SPTBN1: variants seen among roughly 807,000 people sequenced by gnomAD.
The protein encoded by SPTBN1 is spectrin beta chain, non-erythrocytic 1.
Under a neutral mutation model 266.4 loss-of-function variants are expected in SPTBN1, and 32 were observed. The ratio of observed to expected loss-of-function variants is 0.12; its 90% CI spans 0.09 to 0.16. The LOEUF (loss-of-function observed/expected upper bound fraction) is 0.16, where lower values mean the gene tolerates loss of function less well. Ranked by LOEUF, SPTBN1 falls within the 10% of genes least tolerant of loss-of-function variation. The pLI is 1.00. For synonymous variants in SPTBN1, 1,336 were observed against 1,162.2 expected (o/e 1.15, Z -3.04); for missense variants, 2,296 against 3,067.1 (o/e 0.75, Z 5.94).
At chr2:54,580,959 A>G (rs1674855073) in intron 2 of SPTBN1, among the ~76,000 whole-genome samples, 1 of 151,988 alleles carries the variant, frequency 6.6e-6, no homozygotes, top group African/African-American at 2.4e-5. Context: ...TTAGCCATGC[A>G]TAGTGGCACA....
Position 54,533,193 on chromosome 2 carries a change from C to T in SPTBN1, c.148+6627C>T, listed in dbSNP as rs545423394. On this transcript the variant is annotated intron_variant, in intron 2 of 35. Coordinates refer to ENST00000356805, the MANE Select transcript of SPTBN1 (RefSeq NM_003128.3). This position sits in a 1 kb window ranked among gnomAD's most constrained non-coding sequence, Gnocchi z 4.2. ...GATTCACATACCAGGCGGGATGGAG[C>T]GAGATGGCGCAAGATTTCATCACAG... Among the ~76,000 whole-genome samples, 14 of 152,134 alleles carry T rather than the reference C, an allele frequency of 9.2e-5. No individual in the cohort carries two copies. Among genetic ancestry groups the T allele is most frequent in the African/African-American group, 3.1e-4 (13 of 41,480 alleles).
chr2:54,647,410 C>G, intron 24 of SPTBN1, 149 bp downstream of exon 24: 1 of 1,068,600 alleles, frequency 9.4e-7, no homozygotes, highest in South Asian at 1.6e-5. Context: ...ACAGACCCAT[C>G]ATTTAAAACA....
At chr2:54,573,450 A>G (rs1674228740) in intron 2 of SPTBN1, among the ~76,000 whole-genome samples, 1 of 152,180 alleles carries the variant, frequency 6.6e-6, no homozygotes, top group South Asian at 2.1e-4. Flanking sequence ...GAGCTCAGGC[A>G]GTAATGCTTC....
rs1214958301 is a variant in SPTBN1 at position 54,554,856 on chromosome 2, G to A, written c.148+28290G>A. ...ACATACTCAGTTGGGCCCTGCCTTG[G>A]AACATCTTCCCCTGAGTCTGATAAC... On this transcript the variant is annotated intron_variant, in intron 2 of 35. Coordinates refer to ENST00000356805, the MANE Select transcript of SPTBN1 (RefSeq NM_003128.3). The surrounding 1 kb of genome is among the most constrained non-coding windows in gnomAD (Gnocchi z 4.5). Among the ~76,000 whole-genome samples, 1 of 152,076 alleles carries A rather than the reference G, an allele frequency of 6.6e-6. No homozygotes were observed. The highest frequency in any genetic ancestry group is 2.4e-5 in the African/African-American group (1 of 41,410).
At chr2:54,465,676 CAT>C (rs1693601505) in intron 1 of SPTBN1, among the ~76,000 whole-genome samples, 1 of 101,118 alleles carries the variant, frequency 9.9e-6, no homozygotes, top group African/African-American at 3.6e-5. Context: ...ATATCTCACA[CAT>C]GGGAGAGAGA....
intron 2 of SPTBN1, among the ~76,000 whole-genome samples, chr2:54,549,212 C>G (rs1009225327): frequency 6.6e-6 from 1 of 151,352 alleles, no homozygotes; most frequent in Non-Finnish European, 1.5e-5. Flanking sequence ...TCGCTTGAAC[C>G]CTGGAAGCAG....
At position 54,645,257 on chromosome 2, in the gene SPTBN1, A is replaced by G; in HGVS notation, c.4298A>G (p.Lys1433Arg). 6.2e-7 allele frequency: 1 copy of G among 1,614,192 alleles called. No homozygotes were observed. Among genetic ancestry groups the G allele is most frequent in the South Asian group, 1.1e-5 (1 of 91,086 alleles). ...QMLENQMEVR[K>R]KEIEELQSQA... ...CTGGAGAATCAGATGGAAGTGCGGA[A>G]GAAGGAGATCGAAGAGCTCCAAAGC... Residue 1433 changes from lysine to arginine, a missense_variant, in exon 21 of 36, where the codon AAG becomes AGG. Lys to Arg is a conservative substitution (Grantham distance 26). Coordinates refer to ENST00000356805, the MANE Select transcript of SPTBN1 (RefSeq NM_003128.3). The surrounding 1 kb of genome is among the most constrained non-coding windows in gnomAD (Gnocchi z 4.3).
At chr2:54,654,803 G>A (rs912946120) in intron 27 of SPTBN1, among the ~76,000 whole-genome samples, 5 of 152,144 alleles carry the variant, frequency 3.3e-5, no homozygotes, top group African/African-American at 4.8e-5. Context: ...CACCCACCTA[G>A]CAACCATTTT....
At chr2:54,594,084 G>A (rs1675878350) in intron 2 of SPTBN1, among the ~76,000 whole-genome samples, 1 of 152,060 alleles carries the variant, frequency 6.6e-6, no homozygotes, top group African/African-American at 2.4e-5. Context: ...GCCCACCTCG[G>A]CCTCCCAAAG....
chr2:54,666,313 A>G lies in SPTBN1; in HGVS notation c.6833+225A>G, dbSNP rs182694088. Reference sequence around the variant, plus strand: ...CCTGTGGTTAACAGTACATCTGAGCATTGAAGGATAAGGAGCTTTTGCTTT... The same window carrying G: ...CCTGTGGTTAACAGTACATCTGAGCGTTGAAGGATAAGGAGCTTTTGCTTT... On this transcript the variant is annotated intron_variant, in intron 34 of 35. Transcript: ENST00000356805. Among the ~76,000 whole-genome samples the G allele has an allele frequency of 2.0e-5, 3 of 152,336 alleles. No homozygotes were observed. The East Asian group carries it at 5.8e-4, about 29-fold the overall frequency.
At chr2:54,623,830 G>A (rs1001119546) in intron 10 of SPTBN1, among the ~76,000 whole-genome samples, 6 of 152,224 alleles carry the variant, frequency 3.9e-5, no homozygotes, top group African/African-American at 1.2e-4. Flanking sequence ...CAGCTTTGGC[G>A]TAGGCTATAC....
At chr2:54,584,922 C>T (rs1215760497) in intron 2 of SPTBN1, among the ~76,000 whole-genome samples, 2 of 152,084 alleles carry the variant, frequency 1.3e-5, no homozygotes, top group Non-Finnish European at 1.5e-5. Context: ...TAAAGGCTTG[C>T]GTGTAGGGAC....
intron 2 of SPTBN1, among the ~76,000 whole-genome samples, chr2:54,565,926 A>G (rs1488743307): frequency 6.6e-6 from 1 of 152,262 alleles, no homozygotes; most frequent in African/African-American, 2.4e-5. Context: ...CAGCAATTCA[A>G]GTAAGGACTT....
intron 1 of SPTBN1, among the ~76,000 whole-genome samples, chr2:54,472,450 G>C (rs1212516856): frequency 6.6e-6 from 1 of 152,158 alleles, no homozygotes; most frequent in Non-Finnish European, 1.5e-5. Flanking sequence ...CTTTGCTGTG[G>C]AATCTTGTCT....
At chr2:54,588,424 A>G (rs747327793) in intron 2 of SPTBN1, among the ~76,000 whole-genome samples, 9 of 152,052 alleles carry the variant, frequency 5.9e-5, no homozygotes, top group Non-Finnish European at 1.2e-4. Context: ...TTGGAACTAA[A>G]TAGATACCAT....
At chr2:54,526,653 G>A in intron 2 of SPTBN1, 87 bp downstream of exon 2, 1 of 1,457,014 alleles carries the variant, frequency 6.9e-7, no homozygotes, top group Non-Finnish European at 9.1e-7. Flanking sequence ...CCATGACGCT[G>A]TCATGTTCGA....
chr2:54,622,528 C>T (rs1678062241), intron 9 of SPTBN1, 41 bp downstream of exon 9: 1 of 1,596,714 alleles, frequency 6.3e-7, no homozygotes, highest in South Asian at 1.1e-5. Context: ...TATGGAAAGA[C>T]ACATCACTGT....
chr2:54,483,300 C>A (rs990651448), intron 1 of SPTBN1, among the ~76,000 whole-genome samples: 1 of 152,102 alleles, frequency 6.6e-6, no homozygotes, highest in Non-Finnish European at 1.5e-5. Context: ...CTGGGCACCA[C>A]GGGGTTAAGA....
At chr2:54,503,224 A>C (rs181323083) in intron 1 of SPTBN1, among the ~76,000 whole-genome samples, 21 of 152,296 alleles carry the variant, frequency 1.4e-4, no homozygotes, top group Admixed American at 4.6e-4. Flanking sequence ...GCTTTTTTGC[A>C]TGCTCCGCAT....
Sources: allele counts gnomAD v4.1 joint callset (sites outside exome capture counted in the v4.1 genomes callset), GRCh38; gene constraint gnomAD v4.1.1; non-coding constraint Gnocchi (gnomAD v3.1); transcripts MANE v1.5; gene names NCBI Gene and HGNC (gene_info 2026-07-23, HGNC 2026-07-21).